Variants in SLC8A1 observed in about 807,000 individuals in gnomAD.
SLC8A1 encodes the protein sodium/calcium exchanger 1.
A neutral mutation model predicts 68.3 loss-of-function variants in SLC8A1; 18 were observed. That is an observed-to-expected ratio of 0.26 (90% CI 0.18 to 0.39). SLC8A1 has a LOEUF of 0.39. Among genes scored for constraint, SLC8A1 ranks in the 10% least tolerant of loss-of-function variants. SLC8A1 has a pLI of 1.00. For missense variants in SLC8A1, 985 were observed against 1,156.7 expected, an observed-to-expected ratio of 0.85 and a Z score of 2.15; for synonymous variants, 475 against 415.5, an observed-to-expected ratio of 1.14 and a Z score of -1.74.
exon 7 of SLC8A1, chr2:40,139,636 C>T: frequency 2.5e-6 from 4 of 1,614,092 alleles, no homozygotes; most frequent in Non-Finnish European, 3.4e-6. Flanking sequence ...AACAGGAGGG[C>T]AGCTTCTCTT....
At chr2:40,301,015 A>G (rs2071355608) in intron 2 of SLC8A1, among the ~76,000 whole-genome samples, 1 of 152,140 alleles carries the variant, frequency 6.6e-6, no homozygotes, top group Non-Finnish European at 1.5e-5. Flanking sequence ...AATGTGGTTG[A>G]TCCCTACAAT....
At chr2:40,201,843 A>G (rs1331936985) in intron 2 of SLC8A1, among the ~76,000 whole-genome samples, 2 of 152,026 alleles carry the variant, frequency 1.3e-5, no homozygotes, top group African/African-American at 2.4e-5. Context: ...TAAGGGGGTC[A>G]GGAGGTCATA....
chr2:40,303,376 C>T (rs1377452289), intron 2 of SLC8A1, among the ~76,000 whole-genome samples: 1 of 152,124 alleles, frequency 6.6e-6, no homozygotes, highest in Non-Finnish European at 1.5e-5. Flanking sequence ...CCAGCACTGG[C>T]TGGGGAAAGT....
chr2:40,372,468 T>C (rs1002841519), intron 2 of SLC8A1, among the ~76,000 whole-genome samples: 2 of 152,146 alleles, frequency 1.3e-5, no homozygotes, highest in African/African-American at 4.8e-5. Context: ...ATGCTGAGGA[T>C]TTTTCTTCAT....
intron 2 of SLC8A1, among the ~76,000 whole-genome samples, chr2:40,288,575 G>A (rs896904089): frequency 1.3e-5 from 2 of 151,998 alleles, no homozygotes; most frequent in African/African-American, 4.8e-5. Flanking sequence ...TTGTGCTGCA[G>A]CCAGTTCATC....
chr2:40,464,933 T>C, intron 1 of SLC8A1, among the ~76,000 whole-genome samples: 1 of 152,126 alleles, frequency 6.6e-6, no homozygotes, highest in East Asian at 1.9e-4. Flanking sequence ...GGTGCCAATA[T>C]GAAGGAGCTG....
intron 1 of SLC8A1, among the ~76,000 whole-genome samples, chr2:40,459,272 T>C (rs989240690): frequency 2.0e-5 from 3 of 152,158 alleles, no homozygotes; most frequent in African/African-American, 7.2e-5. Flanking sequence ...CTAGTTTAGG[T>C]GGTCAGTTCT....
At chr2:40,304,981 CT>C (rs2072294905) in intron 2 of SLC8A1, among the ~76,000 whole-genome samples, 1 of 152,224 alleles carries the variant, frequency 6.6e-6, no homozygotes, top group African/African-American at 2.4e-5. Flanking sequence ...TAGAGTGCAT[CT>C]GCATCACTTA....
At chr2:40,255,540 G>C (rs2063773643) in intron 2 of SLC8A1, among the ~76,000 whole-genome samples, 1 of 152,208 alleles carries the variant, frequency 6.6e-6, no homozygotes, top group African/African-American at 2.4e-5. Flanking sequence ...GGAAACCTCA[G>C]TGCTTCAGGT....
intron 2 of SLC8A1, among the ~76,000 whole-genome samples, chr2:40,285,036 AATC>A (rs1434813916): frequency 1.3e-5 from 2 of 152,144 alleles, no homozygotes; most frequent in East Asian, 3.8e-4. Flanking sequence ...CCTCTCACAC[AATC>A]ATCTTTGAAA....
intron 2 of SLC8A1, among the ~76,000 whole-genome samples, chr2:40,263,980 A>G (rs1164824706): frequency 6.6e-6 from 1 of 152,216 alleles, no homozygotes; most frequent in African/African-American, 2.4e-5. Flanking sequence ...CAGAATCTAC[A>G]ATGAACTCAA....
In SLC8A1 at chr2:40,412,791, A is replaced by T. The variant is rs193246561; in HGVS notation, c.1808+15682T>A. Among the ~76,000 whole-genome samples, 4 of 152,300 alleles carry T rather than the reference A, an allele frequency of 2.6e-5. No individual in the cohort carries two copies. In the East Asian group the frequency reaches 7.7e-4, roughly 29 times the overall value. On this transcript the variant is annotated intron_variant, in intron 2 of 7. Transcript: ENST00000406785. The stretch of plus-strand genomic sequence containing the variant: ...GCTCAACTAGGAAGACACCAACCTC[A>T]TTTTACTATGGATGAAAACTATTGA...
At chr2:40,253,117 ACATATATACACGTATATATG>A (rs2063205585) in intron 2 of SLC8A1, among the ~76,000 whole-genome samples, 1 of 110,018 alleles carries the variant, frequency 9.1e-6, no homozygotes, top group Admixed American at 1.1e-4. Flanking sequence ...ATACGTGTAT[ACATATATACACGTATATATG>A]TATATGTATA....
chr2:40,328,623 C>G (rs1347841880), intron 2 of SLC8A1, among the ~76,000 whole-genome samples: 2 of 152,200 alleles, frequency 1.3e-5, no homozygotes, highest in African/African-American at 4.8e-5. Flanking sequence ...GCAGTTTAAA[C>G]TAGATATCCC....
chr2:40,499,476 A>G (rs941537341), intron 1 of SLC8A1, among the ~76,000 whole-genome samples: 15 of 152,148 alleles, frequency 9.9e-5, no homozygotes, highest in Admixed American at 5.9e-4. Flanking sequence ...TACCAGGAGC[A>G]AAAGGTGAGT....
intron 2 of SLC8A1, among the ~76,000 whole-genome samples, chr2:40,252,384 G>GATCA: frequency 6.6e-6 from 1 of 152,140 alleles, no homozygotes; most frequent in Non-Finnish European, 1.5e-5. Flanking sequence ...CCAGGCTGGA[G>GATCA]TGCAGTGGCA....
intron 2 of SLC8A1, among the ~76,000 whole-genome samples, chr2:40,185,171 T>A (rs1210337290): frequency 6.6e-6 from 1 of 152,134 alleles, no homozygotes; most frequent in Non-Finnish European, 1.5e-5. Flanking sequence ...GAATGTAAAA[T>A]AATGCAGCCA....
At position 40,175,288 on chromosome 2, in the gene SLC8A1, A is replaced by C; in HGVS notation, c.1913-446T>G. The C allele has an allele frequency of 6.2e-7, 1 of 1,612,776 alleles. No homozygotes were observed. The highest frequency in any genetic ancestry group is 8.5e-7 in the Non-Finnish European group (1 of 1,179,050). ...AGCTCATTCAATAACAGGGCTGTGA[A>C]GGAAACAGACAAAGACAAACACAGA... On this transcript the variant is annotated intron_variant, in intron 3 of 7. Transcript: ENST00000406785.
upstream of SLC8A1, among the ~76,000 whole-genome samples, chr2:40,452,382 G>C (rs1002377586): frequency 6.6e-6 from 1 of 152,046 alleles, no homozygotes; most frequent in African/African-American, 2.4e-5. Flanking sequence ...CTGCCGGCGA[G>C]CAGCTTTTTC....
Sources: allele counts gnomAD v4.1 joint callset (sites outside exome capture counted in the v4.1 genomes callset), GRCh38; gene constraint gnomAD v4.1.1; transcripts MANE v1.5; gene names NCBI Gene and HGNC (gene_info 2026-07-23, HGNC 2026-07-21).